The following ZNF608 variants were observed in gnomAD, a reference collection of about 807,000 sequenced individuals.
The protein encoded by ZNF608 is renal carcinoma antigen NY-REN-36.
In ZNF608, 12 loss-of-function variants were observed where a neutral mutation model predicts 109.0. The ratio of observed to expected loss-of-function variants is 0.11; its 90% CI spans 0.07 to 0.18. The LOEUF is 0.18. ZNF608 is among the 10% of genes least tolerant of loss of function. The pLI, the probability that ZNF608 is intolerant of heterozygous loss-of-function variation, is 1.00. For missense variants in ZNF608, 1,707 were observed against 1,879.3 expected (o/e 0.91, Z 1.70); for synonymous variants, 732 against 717.4 (o/e 1.02, Z -0.33).
Position 124,701,158 on chromosome 5 carries a change from C to G in ZNF608, c.1018G>C (p.Val340Leu). Reference sequence around the variant, plus strand: ...CGAGTCCGAACCAAAAGCTGTTCAACCGGTGCTGCAATATTGGATGAAGAT... The same window carrying G: ...CGAGTCCGAACCAAAAGCTGTTCAAGCGGTGCTGCAATATTGGATGAAGAT... The part of the protein sequence containing the change: ...SPSSSNIAAP[V>L]EQLLVRTRSV... The change falls in exon 3 of 10, where the codon GTT (valine) becomes CTT (leucine). Residue 340 changes from valine to leucine, a missense_variant. This residue lies in a region of ZNF608 where 407 missense variants were observed against 398.7 expected (regional missense o/e 1.02). Coordinates refer to ENST00000513986, the MANE Select transcript of ZNF608 (RefSeq NM_020747.3). The G allele has an allele frequency of 6.2e-7, 1 of 1,614,072 alleles. No individual in the cohort carries two copies. Among genetic ancestry groups the G allele is most frequent in the Non-Finnish European group, 8.5e-7 (1 of 1,180,010 alleles).
At chr5:124,686,301 G>A (rs762062038) in intron 3 of ZNF608, among the ~76,000 whole-genome samples, 2 of 152,154 alleles carry the variant, frequency 1.3e-5, no homozygotes, top group African/African-American at 4.8e-5. Flanking sequence ...TATCAGGCAG[G>A]AGTCTACGAA....
intron 2 of ZNF608, among the ~76,000 whole-genome samples, chr5:124,739,663 C>T (rs1426374618): frequency 1.3e-5 from 2 of 152,186 alleles, no homozygotes; most frequent in African/African-American, 2.4e-5. Context: ...AATGCAGGAA[C>T]ATGTGTTTTC....
At chr5:124,667,902 CAA>C (rs905420682) in intron 3 of ZNF608, among the ~76,000 whole-genome samples, 1 of 152,052 alleles carries the variant, frequency 6.6e-6, no homozygotes, top group African/African-American at 2.4e-5. Flanking sequence ...GACACCGGTG[CAA>C]AGAGAGTGAA....
chr5:124,639,354 G>C lies in ZNF608; in HGVS notation c.4451-140C>G. On this transcript the variant is annotated intron_variant, in intron 8 of 9. Transcript: ENST00000513986. ...ACACATGAACTGTTTCATGCAGCAA[G>C]GACACAGTACAAACCATTTGGTCTA... 3 of 691,504 alleles carry C rather than the reference G, an allele frequency of 4.3e-6. No individual in the cohort carries two copies. The South Asian group carries it at 5.1e-5, about 12-fold the overall frequency. The allele number at this position is 691,504 out of a possible 1,614,324, so 42.8% of individuals were successfully genotyped here.
rs1390807333 is a variant in ZNF608, at chr5:124,746,476, T to TTTTTTCCTCTTAACAAGC, written c.-483_-466dup. On this transcript the variant is annotated 5_prime_UTR_variant, in exon 1 of 10. Transcript: ENST00000513986. Reference sequence around the variant, plus strand: ...TTCACAACAGAAGCACCAAAGGTTTTTTTTTCCTCTTAACAAGCATCGAGA... The same window carrying TTTTTTCCTCTTAACAAGC: ...TTCACAACAGAAGCACCAAAGGTTTTTTTTTCCTCTTAACAAGCTTTTTCCTCTTAACAAGCATCGAGA... 84 of 985,420 alleles carry TTTTTTCCTCTTAACAAGC rather than the reference T, an allele frequency of 8.5e-5. No homozygotes were observed. In the East Asian group the frequency reaches 6.4e-3, roughly 75 times the overall value. 61.0% of individuals were successfully genotyped at this position (985,420 alleles called of 1,614,324 possible).
At chr5:124,651,744 C>A (rs553290933) in intron 3 of ZNF608, among the ~76,000 whole-genome samples, 1 of 152,358 alleles carries the variant, frequency 6.6e-6, no homozygotes, top group Admixed American at 6.5e-5. Flanking sequence ...TTGGCCGGCG[C>A]CCGCTGCGAG....
At chr5:124,685,005 A>G (rs959317772) in intron 3 of ZNF608, among the ~76,000 whole-genome samples, 1 of 152,234 alleles carries the variant, frequency 6.6e-6, no homozygotes, top group East Asian at 1.9e-4. Flanking sequence ...CTTGATTTAT[A>G]CAATCATGCC....
chr5:124,693,761 T>C (rs914333428), intron 3 of ZNF608, among the ~76,000 whole-genome samples: 1 of 152,054 alleles, frequency 6.6e-6, no homozygotes, highest in Admixed American at 6.6e-5. Context: ...ATATCCAAAT[T>C]TGGCTGCATT....
chr5:124,746,624 G>A lies in ZNF608; in HGVS notation c.-613C>T. On this transcript the variant is annotated 5_prime_UTR_variant, in exon 1 of 10. Transcript: ENST00000513986. ...AATGATCCCATGTAGCAAACCTACA[G>A]GCGTCCGCTAGTAACGAGACAGAAT... The A allele has an allele frequency of 3.0e-6, 3 of 985,348 alleles. No homozygotes were observed. Among genetic ancestry groups the A allele is most frequent in the Non-Finnish European group, 3.6e-6 (3 of 829,928 alleles). 61.0% of individuals were successfully genotyped at this position (985,348 alleles called of 1,614,324 possible).
chr5:124,682,678 G>A (rs1488337318), intron 3 of ZNF608, among the ~76,000 whole-genome samples: 2 of 152,200 alleles, frequency 1.3e-5, no homozygotes, highest in African/African-American at 4.8e-5. Flanking sequence ...ACAGTTGATG[G>A]TGAATCAGTG....
intron 3 of ZNF608, among the ~76,000 whole-genome samples, chr5:124,657,062 T>A (rs1751043120): frequency 6.6e-6 from 1 of 152,192 alleles, no homozygotes; most frequent in African/African-American, 2.4e-5. Context: ...AGGTGGTCAA[T>A]ATCCAGCTGA....
chr5:124,673,535 T>C (rs1231559112), intron 3 of ZNF608, among the ~76,000 whole-genome samples: 1 of 151,906 alleles, frequency 6.6e-6, no homozygotes, highest in Non-Finnish European at 1.5e-5. Flanking sequence ...TAGAATTCGA[T>C]AGATTCTATT....
chr5:124,642,207 C>T (rs371762295), intron 7 of ZNF608, among the ~76,000 whole-genome samples: 105 of 152,334 alleles, frequency 6.9e-4, no homozygotes, highest in African/African-American at 2.3e-3. Context: ...AAGCACCATC[C>T]TATTTTTGTT....
At chr5:124,743,179 C>T (rs1006345427) in intron 2 of ZNF608, among the ~76,000 whole-genome samples, 1 of 152,172 alleles carries the variant, frequency 6.6e-6, no homozygotes, top group African/African-American at 2.4e-5. Context: ...GAGAAGGGTC[C>T]AAATGGTCTA....
intron 2 of ZNF608, among the ~76,000 whole-genome samples, chr5:124,708,232 A>G (rs1352222152): frequency 6.6e-6 from 1 of 152,242 alleles, no homozygotes; most frequent in African/African-American, 2.4e-5. Context: ...CTTACCACAT[A>G]TAGTGTAGGA....
In ZNF608 at chr5:124,648,406, A is replaced by G. The variant is rs1750633419; in HGVS notation, c.1978T>C (p.Ser660Pro). 6.2e-7 allele frequency: 1 copy of G among 1,614,022 alleles called. No homozygotes were observed. The highest frequency in any genetic ancestry group is 8.5e-7 in the Non-Finnish European group (1 of 1,180,032). ...SIIGAKAGKN[S>P]GKKKGLNNEL... is the part of the protein sequence containing the mutation. Reference sequence around the variant, plus strand: ...TTGTTAAGGCCCTTCTTTTTGCCAGAATTCTTCCCAGCTTTAGCACCAATA... The same window carrying G: ...TTGTTAAGGCCCTTCTTTTTGCCAGGATTCTTCCCAGCTTTAGCACCAATA... Residue 660 changes from serine (S) to proline (P), a missense_variant, in exon 5 of 10, where the codon TCT becomes CCT. By Grantham distance (74) the Ser-to-Pro change is moderately conservative. This residue lies in a region of ZNF608 where 1,073 missense variants were observed against 1,133.5 expected (regional missense o/e 0.95). Transcript: ENST00000513986.
intron 2 of ZNF608, among the ~76,000 whole-genome samples, chr5:124,740,170 G>A (rs969743730): frequency 9.9e-5 from 15 of 152,024 alleles, no homozygotes; most frequent in African/African-American, 2.7e-4. Flanking sequence ...CAAAGCAAAC[G>A]GATTTCACAC....
intron 3 of ZNF608, among the ~76,000 whole-genome samples, chr5:124,651,033 T>G (rs2149792858): frequency 6.6e-6 from 1 of 152,360 alleles, no homozygotes; most frequent in South Asian, 2.1e-4. Flanking sequence ...TCCCATATGG[T>G]CTATGTTGCT....
At chr5:124,687,061 G>A (rs1395598595) in intron 3 of ZNF608, among the ~76,000 whole-genome samples, 1 of 152,102 alleles carries the variant, frequency 6.6e-6, no homozygotes, top group Non-Finnish European at 1.5e-5. Flanking sequence ...ACCTCAAACG[G>A]ACAAGCAAAT....
Sources: allele counts gnomAD v4.1 joint callset (sites outside exome capture counted in the v4.1 genomes callset), GRCh38; gene constraint gnomAD v4.1.1; regional missense constraint gnomAD v4.1.1; transcripts MANE v1.5; gene names NCBI Gene and HGNC (gene_info 2026-07-23, HGNC 2026-07-21).